CUBN: variants seen among roughly 807,000 people sequenced by gnomAD.
CUBN encodes 460 kDa receptor.
CUBN carries 282 observed loss-of-function variants against 405.3 expected under a neutral mutation model. That is an observed-to-expected ratio of 0.70 (90% CI 0.63 to 0.77). CUBN has a LOEUF of 0.77. Ranked by LOEUF, CUBN falls within the 30% of genes least tolerant of loss-of-function variation. The probability of loss-of-function intolerance (pLI) is 0.00; values close to 1 mark genes in which losing one functional copy is unlikely to be tolerated. For missense variants in CUBN, 4,514 were observed against 4,475.2 expected (o/e 1.01, Z -0.25); for synonymous variants, 1,684 against 1,617.0 (o/e 1.04, Z -0.99).
intron 60 of CUBN, among the ~76,000 whole-genome samples, chr10:16,850,596 G>A (rs1839657195): frequency 6.6e-6 from 1 of 151,978 alleles, no homozygotes; most frequent in African/African-American, 2.4e-5. Context: ...CTCAGCCTCT[G>A]GAGCAGCTGG....
Position 16,878,074 on chromosome 10 carries a change from G to T in CUBN, c.8906-977C>A, listed in dbSNP as rs1280098334. ...AGGCCTAGGCGGGCGGATCACCTGA[G>T]TTCAGGAATTCGAGGCCAGCCTGGG... On this transcript the variant is annotated intron_variant, in intron 56 of 66. Coordinates refer to ENST00000377833, the MANE Select transcript of CUBN (RefSeq NM_001081.4). 2.6e-5 allele frequency among the ~76,000 whole-genome samples: 4 copies of T among 152,344 alleles called. No individual in the cohort carries two copies. In the East Asian group the frequency reaches 7.7e-4, roughly 29 times the overall value.
chr10:16,835,926 T>A (rs552454846), intron 63 of CUBN, among the ~76,000 whole-genome samples: 10 of 152,320 alleles, frequency 6.6e-5, no homozygotes, highest in Admixed American at 4.6e-4. Flanking sequence ...TAAAAATGTA[T>A]ATTCAATGTG....
At chr10:17,100,978 C>A (rs923200354) in intron 13 of CUBN, among the ~76,000 whole-genome samples, 1 of 152,098 alleles carries the variant, frequency 6.6e-6, no homozygotes, top group Non-Finnish European at 1.5e-5. Flanking sequence ...AGTAATATAA[C>A]TTATAAAACG....
chr10:16,913,868 T>C lies in CUBN; in HGVS notation c.7476A>G (p.Leu2492=), dbSNP rs755677398. 23 of 1,613,984 alleles carry C rather than the reference T, an allele frequency of 1.4e-5. No homozygotes were observed. Among genetic ancestry groups the C allele is most frequent in the Non-Finnish European group, 1.9e-5 (23 of 1,180,022 alleles). The stretch of plus-strand genomic sequence containing the variant: ...TGGCCAGCCTCAGGTTGTTAAACAT[T>C]AGGGTGATCCGCCTTCCCTCCGGGG... The part of the protein sequence containing the change: ...ITAPEGRRIT[L]MFNNLRLATH... The change falls in exon 48 of 67, where the codon CTA becomes CTG. Residue 2492 remains leucine, a synonymous_variant. Coordinates refer to ENST00000377833, the MANE Select transcript of CUBN (RefSeq NM_001081.4).
intron 58 of CUBN, 137 bp downstream of exon 58, chr10:16,874,237 C>G: frequency 1.0e-6 from 1 of 952,708 alleles, no homozygotes; most frequent in Non-Finnish European, 1.7e-6. Context: ...GAACTGTCAT[C>G]TAGGAACATC....
In CUBN at chr10:16,828,957, C is replaced by T. The variant is rs756614749; in HGVS notation, c.10612G>A (p.Glu3538Lys). ...CCAGCAGGAGCAACAAGGACCCACT[C>T]GCAGTACGTGTTGTTTGGGTATGTG... ...PGTYPNNTYC[E>K]WVLVAPAGRL... is the part of the protein sequence containing the mutation. Residue 3538 changes from glutamate to lysine, a missense_variant, in exon 66 of 67, where the codon GAG (glutamate) becomes AAG (lysine). This residue lies in a region of CUBN where 1,186 missense variants were observed against 1,186.9 expected (regional missense o/e 1.00). Coordinates refer to ENST00000377833, the MANE Select transcript of CUBN (RefSeq NM_001081.4). 40 of 1,614,096 alleles carry T rather than the reference C, an allele frequency of 2.5e-5. No homozygotes were observed. The South Asian group carries it at 2.7e-4, about 11-fold the overall frequency.
chr10:16,832,632 G>A (rs10904823), intron 64 of CUBN, among the ~76,000 whole-genome samples: 16,020 of 152,146 alleles, frequency 0.11, 942 homozygotes, highest in African/African-American at 0.15. Flanking sequence ...AGGAGCAGCA[G>A]GATACTAATT....
chr10:16,868,904 C>G (rs1310109828), intron 59 of CUBN, among the ~76,000 whole-genome samples: 1 of 152,188 alleles, frequency 6.6e-6, no homozygotes, highest in Non-Finnish European at 1.5e-5. Context: ...ATCTTAGTCT[C>G]CTAAGCCACC....
At chr10:16,917,147 A>C (rs1361613296) in intron 45 of CUBN, among the ~76,000 whole-genome samples, 1 of 152,094 alleles carries the variant, frequency 6.6e-6, no homozygotes, top group African/African-American at 2.4e-5. Context: ...CTGATTTGGC[A>C]CTAGAGACTC....
At position 17,075,979 on chromosome 10, in the gene CUBN, C is replaced by G. The variant is rs562363538; in HGVS notation, c.2302-4008G>C. ...ACAGACATACTGCAGTTCTTGAAAACTAGAAAGCATGAAACACAAAGTTAT... is the reference window on the plus strand; with the variant it reads ...ACAGACATACTGCAGTTCTTGAAAAGTAGAAAGCATGAAACACAAAGTTAT... On this transcript the variant is annotated intron_variant, in intron 17 of 66. Coordinates refer to ENST00000377833, the MANE Select transcript of CUBN (RefSeq NM_001081.4). Among the ~76,000 whole-genome samples the G allele has an allele frequency of 5.9e-5, 9 of 152,278 alleles. No homozygotes were observed. The South Asian group carries it at 1.5e-3, about 25-fold the overall frequency.
At chr10:17,032,234 G>T (rs375600501) in intron 27 of CUBN, among the ~76,000 whole-genome samples, 3 of 152,184 alleles carry the variant, frequency 2.0e-5, no homozygotes, top group African/African-American at 7.2e-5. Context: ...TCCAGAAGGG[G>T]CGTGGAGGGG....
At chr10:16,868,800 C>T (rs1417906550) in intron 59 of CUBN, among the ~76,000 whole-genome samples, 1 of 152,148 alleles carries the variant, frequency 6.6e-6, no homozygotes, top group Admixed American at 6.6e-5. Context: ...AGTCCAAATT[C>T]CTTCTCAAGC....
At chr10:16,881,790 A>T (rs902578523) in intron 56 of CUBN, among the ~76,000 whole-genome samples, 2 of 152,208 alleles carry the variant, frequency 1.3e-5, no homozygotes, top group East Asian at 3.9e-4. Flanking sequence ...AAGAAAATAT[A>T]AAAAATTAAC....
At chr10:16,851,784 C>T (rs1839699464) in intron 59 of CUBN, among the ~76,000 whole-genome samples, 1 of 134,378 alleles carries the variant, frequency 7.4e-6, no homozygotes, top group Non-Finnish European at 1.6e-5. Flanking sequence ...CTCTCTTTCC[C>T]TCTCTCCCTC....
At chr10:17,006,281 G>A (rs7087976) in intron 28 of CUBN, among the ~76,000 whole-genome samples, 39,320 of 152,084 alleles carry the variant, frequency 0.26, 5,794 homozygotes, top group East Asian at 0.41. Context: ...TAATTGACAT[G>A]TAAATAATCA....
At chr10:17,101,689 A>G (rs563631233) in intron 13 of CUBN, among the ~76,000 whole-genome samples, 1 of 152,276 alleles carries the variant, frequency 6.6e-6, no homozygotes, top group South Asian at 2.1e-4. Context: ...GAGCACTAAA[A>G]ACCTTGGACT....
At chr10:17,047,668 G>T in intron 22 of CUBN, 65 bp from the exon 23 acceptor site, 1 of 1,365,438 alleles carries the variant, frequency 7.3e-7, no homozygotes, top group Non-Finnish European at 1.0e-6. Context: ...AATACATCCA[G>T]TAATATGTAT....
intron 63 of CUBN, among the ~76,000 whole-genome samples, chr10:16,835,954 T>C (rs1200323106): frequency 6.6e-6 from 1 of 152,196 alleles, no homozygotes; most frequent in Non-Finnish European, 1.5e-5. Context: ...GTATAATTAA[T>C]AAGATAATTG....
At position 17,103,703 on chromosome 10, in the gene CUBN, T is replaced by C. The variant is rs1836552969; in HGVS notation, c.1418-466A>G. 2.0e-5 allele frequency among the ~76,000 whole-genome samples: 3 copies of C among 152,256 alleles called. No individual in the cohort carries two copies. The South Asian group carries it at 6.2e-4, about 32-fold the overall frequency. ...AACAACAACCTCTCAATAAATGTGTTGATTCCAAATCAGGAGTTTAAGTGA... is the reference window on the plus strand; with the variant it reads ...AACAACAACCTCTCAATAAATGTGTCGATTCCAAATCAGGAGTTTAAGTGA... On this transcript the variant is annotated intron_variant, in intron 12 of 66. Transcript: ENST00000377833.
Sources: gnomAD v4.1 joint callset for allele counts (sites outside exome capture counted in the v4.1 genomes callset) on GRCh38, gnomAD v4.1.1 for gene constraint, gnomAD v4.1.1 regional missense constraint, MANE v1.5 for transcripts, NCBI Gene and HGNC (gene_info 2026-07-23, HGNC 2026-07-21) for gene names.